Variants in RGL1 observed in about 807,000 individuals in gnomAD.
The protein encoded by RGL1 is ral guanine nucleotide dissociation stimulator-like 1.
In RGL1, 24 loss-of-function variants were observed where a neutral mutation model predicts 95.2. The observed-to-expected ratio is 0.25, with a 90% CI of 0.18 to 0.35. The LOEUF (loss-of-function observed/expected upper bound fraction) is 0.35. Among genes scored for constraint, RGL1 ranks in the 10% least tolerant of loss-of-function variants. RGL1 has a pLI of 1.00. For missense variants in RGL1, 715 were observed against 936.3 expected, an observed-to-expected ratio of 0.76 and a Z score of 3.08; for synonymous variants, 329 against 344.9, an observed-to-expected ratio of 0.95 and a Z score of 0.51.
intron 1 of RGL1, among the ~76,000 whole-genome samples, chr1:183,693,831 G>A (rs1301390874): frequency 6.6e-6 from 1 of 152,166 alleles, no homozygotes; most frequent in African/African-American, 2.4e-5. Flanking sequence ...ACAGGCACCA[G>A]AAGTTGGATG....
rs1053742631 is a variant in RGL1, at chr1:183,708,554, A to T, written c.-32-33572A>T. ...CCCTAGCTCAGGCGCATGCTGATAC[A>T]ATTCATCACCAAGCTCCTGCCCAGC... On this transcript the variant is annotated intron_variant, in intron 1 of 18. Transcript: ENST00000304685. Among the ~76,000 whole-genome samples the T allele has an allele frequency of 2.0e-5, 3 of 152,188 alleles. No individual in the cohort carries two copies. The East Asian group carries it at 5.8e-4, about 29-fold the overall frequency.
At chr1:183,654,774 T>C (rs1406736943) in intron 1 of RGL1, among the ~76,000 whole-genome samples, 4 of 152,214 alleles carry the variant, frequency 2.6e-5, no homozygotes, top group African/African-American at 7.2e-5. Flanking sequence ...CACTAGCACA[T>C]TTATCAATTG....
rs566831130 is a variant in RGL1, at chr1:183,729,483, G to A, written c.-32-12643G>A. On this transcript the variant is annotated intron_variant, in intron 1 of 18. Coordinates refer to the RGL1 transcript ENST00000304685. ...GACCCCAAATACTAACTGTTGATGA[G>A]GATATGAAACCACTGAGATTTTCCT... Among the ~76,000 whole-genome samples the A allele has an allele frequency of 1.5e-3, 225 of 152,202 alleles. 1 individual carries two copies. The highest frequency in any genetic ancestry group is 5.3e-3 in the African/African-American group (219 of 41,534).
At chr1:183,805,350 C>G (rs748590120) in intron 1 of RGL1, 26 bp downstream of exon 1, 14 of 1,590,676 alleles carry the variant, frequency 8.8e-6, no homozygotes, top group South Asian at 1.1e-5. Flanking sequence ...TGCCTTCTCC[C>G]GAGGCTTCTC....
chr1:183,670,354 G>T (rs1652355816), intron 1 of RGL1, among the ~76,000 whole-genome samples: 1 of 152,178 alleles, frequency 6.6e-6, no homozygotes, highest in Admixed American at 6.5e-5. Context: ...AGAACAGAAT[G>T]CTCTGGCACA....
intron 2 of RGL1, among the ~76,000 whole-genome samples, chr1:183,844,216 C>T (rs930689763): frequency 3.3e-5 from 5 of 152,058 alleles, no homozygotes; most frequent in Non-Finnish European, 4.4e-5. Context: ...GTACAAAACA[C>T]AAAACATCCT....
chr1:183,707,331 CTAATA>C (rs1222160600), intron 1 of RGL1, among the ~76,000 whole-genome samples: 1 of 152,086 alleles, frequency 6.6e-6, no homozygotes, highest in Non-Finnish European at 1.5e-5. Flanking sequence ...CTGAAACTCT[CTAATA>C]TAAGAGGTAG....
intron 4 of RGL1, among the ~76,000 whole-genome samples, chr1:183,867,796 A>G (rs955552764): frequency 1.3e-5 from 2 of 151,988 alleles, no homozygotes; most frequent in African/African-American, 2.4e-5. Context: ...TTAAATATTC[A>G]TTTTGGGGCC....
Position 183,805,244 on chromosome 1 carries a change from G to A in RGL1, c.-54G>A. 1 of 1,603,138 alleles carries A rather than the reference G, an allele frequency of 6.2e-7. No homozygotes were observed. The highest frequency in any genetic ancestry group is 8.5e-7 in the Non-Finnish European group (1 of 1,175,382). On this transcript the variant is annotated 5_prime_UTR_variant, in exon 1 of 18. Coordinates refer to ENST00000360851, the MANE Select transcript of RGL1 (RefSeq NM_001297671.3). ...GCTGAGCCCAGCAGACATTGCGTTG[G>A]CCTCCGAGCAGGGCGCATCATGCAG... is the stretch of plus-strand genomic sequence containing the variant.
chr1:183,924,693 C>T (rs1367655684), intron 17 of RGL1, among the ~76,000 whole-genome samples: 3 of 151,954 alleles, frequency 2.0e-5, no homozygotes, highest in East Asian at 3.9e-4. Context: ...GCCTGTAATC[C>T]CAGCACTTTG....
chr1:183,800,534 TC>T (rs1202990262), upstream of RGL1, among the ~76,000 whole-genome samples: 1 of 152,202 alleles, frequency 6.6e-6, no homozygotes, highest in Non-Finnish European at 1.5e-5. Context: ...ATATAGATCT[TC>T]CCCTATTTAG....
At chr1:183,686,681 C>T (rs1390221803) in intron 1 of RGL1, among the ~76,000 whole-genome samples, 1 of 152,114 alleles carries the variant, frequency 6.6e-6, no homozygotes, top group Non-Finnish European at 1.5e-5. Context: ...CGATTTAAAT[C>T]CCTTCTGATT....
At position 183,862,022 on chromosome 1, in the gene RGL1, G is replaced by A. The variant is rs540403580; in HGVS notation, c.348-3974G>A. ...ACTAGTCTAGTTTCTTTTCTGTAAAGCAGTAATTCTCCTTAATGATAAGAA... is the reference window on the plus strand; with the variant it reads ...ACTAGTCTAGTTTCTTTTCTGTAAAACAGTAATTCTCCTTAATGATAAGAA... On this transcript the variant is annotated intron_variant, in intron 3 of 17. Transcript: ENST00000360851. Among the ~76,000 whole-genome samples the A allele has an allele frequency of 2.6e-5, 4 of 152,276 alleles. No individual in the cohort carries two copies. In the East Asian group the frequency reaches 7.7e-4, roughly 29 times the overall value.
chr1:183,640,580 T>A (rs370334047), intron 1 of RGL1, among the ~76,000 whole-genome samples: 1 of 152,330 alleles, frequency 6.6e-6, no homozygotes, highest in Admixed American at 6.5e-5. Context: ...TGAGACTTGT[T>A]TCATTTGATT....
chr1:183,778,814 C>T (rs564349104), intron 2 of RGL1, among the ~76,000 whole-genome samples: 3 of 152,278 alleles, frequency 2.0e-5, no homozygotes, highest in South Asian at 4.2e-4. Flanking sequence ...CAGATCATTA[C>T]AAAAGAGGGC....
At chr1:183,898,673 A>C (rs1667842075) in intron 10 of RGL1, among the ~76,000 whole-genome samples, 1 of 152,256 alleles carries the variant, frequency 6.6e-6, no homozygotes, top group Non-Finnish European at 1.5e-5. Context: ...TCACAGTGTT[A>C]CAAACTTTTT....
Position 183,806,364 on chromosome 1 carries a change from G to A in RGL1, c.28-11G>A, listed in dbSNP as rs201584688. ...TACTCTTTTTCTTTCTCTTTATCCC[G>A]TCCCTGGCAGAGCTCGATTCAGGAC... On this transcript the variant is annotated splice_polypyrimidine_tract_variant and intron_variant, in intron 1 of 17. Coordinates refer to ENST00000360851, the MANE Select transcript of RGL1 (RefSeq NM_001297671.3). The A allele has an allele frequency of 1.2e-3, 1,906 of 1,603,862 alleles. 1 individual carries two copies. The highest frequency in any genetic ancestry group is 1.3e-3 in the Non-Finnish European group (1,569 of 1,171,226).
intron 1 of RGL1, among the ~76,000 whole-genome samples, chr1:183,720,549 G>A (rs926982695): frequency 3.9e-5 from 6 of 152,244 alleles, no homozygotes; most frequent in Non-Finnish European, 5.9e-5. Flanking sequence ...GGATCAGTTT[G>A]CTTAAGTTGT....
chr1:183,772,214 C>T (rs1572393373), intron 2 of RGL1, among the ~76,000 whole-genome samples: 1 of 152,172 alleles, frequency 6.6e-6, no homozygotes, highest in South Asian at 2.1e-4. Flanking sequence ...GGTGGAGGGT[C>T]TGATTGAGCT....
Sources: allele counts gnomAD v4.1 joint callset (sites outside exome capture counted in the v4.1 genomes callset), GRCh38; gene constraint gnomAD v4.1.1; transcripts MANE v1.5; gene names NCBI Gene and HGNC (gene_info 2026-07-23, HGNC 2026-07-21).